The following TGFB2 variants were observed in gnomAD, a reference collection of about 807,000 sequenced individuals.
TGFB2 encodes transforming growth factor beta 2, also known as transforming growth factor beta-2 proprotein.
A neutral mutation model predicts 42.7 loss-of-function variants in TGFB2; 13 were observed. The observed-to-expected ratio is 0.30, with a 90% CI of 0.20 to 0.48. The LOEUF (loss-of-function observed/expected upper bound fraction) is 0.48, where lower values mean the gene tolerates loss of function less well. TGFB2 is among the 20% of genes least tolerant of loss of function. The pLI is 0.99. For synonymous variants in TGFB2, 193 were observed against 193.6 expected (o/e 1.00, Z 0.03); for missense variants, 390 against 517.5 (o/e 0.75, Z 2.39).
chr1:218,424,297 C>T (rs544872663), intron 2 of TGFB2, among the ~76,000 whole-genome samples: 113 of 152,352 alleles, frequency 7.4e-4, no homozygotes, highest in Non-Finnish European at 9.8e-4. Flanking sequence ...GTAGCTTATA[C>T]ATTGAATAGC....
At chr1:218,414,894 C>T (rs1275066978) in intron 2 of TGFB2, among the ~76,000 whole-genome samples, 6 of 152,134 alleles carry the variant, frequency 3.9e-5, no homozygotes, top group African/African-American at 1.4e-4. Flanking sequence ...CTTGCCCAGG[C>T]CAGGCAGGTA....
intron 1 of TGFB2, among the ~76,000 whole-genome samples, chr1:218,373,071 G>A (rs1383488078): frequency 2.0e-5 from 3 of 152,046 alleles, no homozygotes; most frequent in Admixed American, 1.3e-4. Flanking sequence ...CCAGCTACTC[G>A]GGAGGCTGAG....
chr1:218,416,553 A>G (rs1306660532), intron 2 of TGFB2, among the ~76,000 whole-genome samples: 1 of 152,208 alleles, frequency 6.6e-6, no homozygotes, highest in Non-Finnish European at 1.5e-5. Context: ...GGAAAATGAT[A>G]AGTCATTCAG....
intron 1 of TGFB2, among the ~76,000 whole-genome samples, chr1:218,348,940 T>G (rs541101763): frequency 1.3e-5 from 2 of 152,314 alleles, no homozygotes; most frequent in South Asian, 4.1e-4. Context: ...CAAGAGGGCA[T>G]TAGTTCTTTG....
chr1:218,416,466 A>C (rs887645777), intron 2 of TGFB2, among the ~76,000 whole-genome samples: 15 of 152,188 alleles, frequency 9.9e-5, no homozygotes, highest in Non-Finnish European at 1.9e-4. Flanking sequence ...CATACTTGAG[A>C]ATTCCCCAAA....
intron 1 of TGFB2, among the ~76,000 whole-genome samples, chr1:218,388,134 G>T (rs1186775737): frequency 6.6e-6 from 1 of 152,202 alleles, no homozygotes; most frequent in Non-Finnish European, 1.5e-5. Context: ...GGCACATTTT[G>T]GCTCCTAGAG....
In TGFB2 at chr1:218,441,596, T is replaced by C; in HGVS notation, c.*234T>C. 1 of 357,990 alleles carries C rather than the reference T, an allele frequency of 2.8e-6. No individual in the cohort carries two copies. The highest frequency in any genetic ancestry group is 4.9e-6 in the Non-Finnish European group (1 of 202,472). 22.2% of individuals were successfully genotyped at this position (357,990 alleles called of 1,614,324 possible). A position where few individuals can be genotyped will look rare whatever the true frequency, so the allele number is the denominator to read the frequency against. ...GCCTTATTCTACATTTCACCTACTT[T>C]GTAAGTGAGAGAGACAAGAAGCAAA... On this transcript the variant is annotated 3_prime_UTR_variant, in exon 7 of 7. Transcript: ENST00000366930.
intron 1 of TGFB2, among the ~76,000 whole-genome samples, chr1:218,349,177 C>T (rs1376272178): frequency 1.3e-5 from 2 of 151,978 alleles, no homozygotes; most frequent in Non-Finnish European, 2.9e-5. Flanking sequence ...ACAAAGAATA[C>T]AGGCTTTAAA....
intron 2 of TGFB2, among the ~76,000 whole-genome samples, chr1:218,426,675 C>G (rs1558258495): frequency 6.6e-6 from 1 of 152,092 alleles, no homozygotes; most frequent in Non-Finnish European, 1.5e-5. Flanking sequence ...TTTTCTAATT[C>G]AATCAGAAAC....
chr1:218,348,125 C>A (rs1466884014), intron 1 of TGFB2, among the ~76,000 whole-genome samples: 2 of 151,116 alleles, frequency 1.3e-5, no homozygotes, highest in Non-Finnish European at 2.9e-5. Context: ...CACTTGATAC[C>A]TGAGAGGGTT....
Position 218,378,159 on chromosome 1 carries a change from TTATTTATTTATTTATTTA to T in TGFB2, c.347-27008_347-26991del, listed in dbSNP as rs1197498062. Among the ~76,000 whole-genome samples the T allele has an allele frequency of 2.7e-3, 51 of 18,702 alleles. No homozygotes were observed. The East Asian group carries it at 0.033, about 12-fold the overall frequency. 12.3% of individuals were successfully genotyped at this position (18,702 alleles called of 152,430 possible). On this transcript the variant is annotated intron_variant, in intron 1 of 6. Coordinates refer to ENST00000366930, the MANE Select transcript of TGFB2 (RefSeq NM_003238.6). Reference sequence around the variant, plus strand: ...CCTGGCTAATTTTGGATTTATTTATTTATTTATTTATTTATTTATTTATTTATTTAAGATGGAGTCTTG... The same window carrying T: ...CCTGGCTAATTTTGGATTTATTTATTTTTATTTATTTAAGATGGAGTCTTG...
chr1:218,415,699 GAAAAAAAAAA>G (rs1174137652), intron 2 of TGFB2, among the ~76,000 whole-genome samples: 1 of 61,678 alleles, frequency 1.6e-5, no homozygotes, highest in Non-Finnish European at 3.7e-5. Context: ...TGTCTCAAAA[GAAAAAAAAAA>G]AAAAAAAAAA....
At chr1:218,437,143 C>G (rs1659995957) in intron 5 of TGFB2, among the ~76,000 whole-genome samples, 200 bp from the exon 6 acceptor site, 1 of 152,102 alleles carries the variant, frequency 6.6e-6, no homozygotes, top group Non-Finnish European at 1.5e-5. Flanking sequence ...AGCAAATCAC[C>G]ACCACATACA....
At chr1:218,375,222 G>GT (rs940795344) in intron 1 of TGFB2, among the ~76,000 whole-genome samples, 7 of 151,592 alleles carry the variant, frequency 4.6e-5, no homozygotes, top group Admixed American at 2.0e-4. Flanking sequence ...TCAACCTTTG[G>GT]TTTTTTTTAT....
At chr1:218,374,148 TG>T (rs1463272615) in intron 1 of TGFB2, among the ~76,000 whole-genome samples, 4 of 152,260 alleles carry the variant, frequency 2.6e-5, no homozygotes, top group African/African-American at 7.2e-5. Flanking sequence ...ACTGTTTTGT[TG>T]TTGCTTTTGT....
At chr1:218,427,092 A>G (rs1014045382) in intron 2 of TGFB2, among the ~76,000 whole-genome samples, 2 of 152,180 alleles carry the variant, frequency 1.3e-5, no homozygotes, top group Non-Finnish European at 2.9e-5. Flanking sequence ...AAAATTAGAA[A>G]AAAAATTATT....
chr1:218,354,615 A>G (rs1656974113), intron 1 of TGFB2, among the ~76,000 whole-genome samples: 1 of 152,302 alleles, frequency 6.6e-6, no homozygotes, highest in South Asian at 2.1e-4. Context: ...TCTATTAGTG[A>G]TGTGTTATGG....
At chr1:218,435,898 G>GA (rs546357945) in intron 4 of TGFB2, 72 bp from the exon 5 acceptor site, 11 of 1,482,526 alleles carry the variant, frequency 7.4e-6, no homozygotes, top group Non-Finnish European at 1.0e-5. Flanking sequence ...ATATACAAAG[G>GA]AAAAAAATAT....
chr1:218,363,456 G>C lies in TGFB2; in HGVS notation c.346+16409G>C, dbSNP rs796648104. 3.3e-5 allele frequency: 52 copies of C among 1,565,784 alleles called. No homozygotes were observed. The African/African-American group carries it at 6.2e-4, about 19-fold the overall frequency. On this transcript the variant is annotated intron_variant, in intron 1 of 6. Transcript: ENST00000366930. ...TCTGCTTTATTCCTCGTTTGACATA[G>C]TTATATCAAATCCATCTTTAGTGTT...
Sources: allele counts gnomAD v4.1 joint callset (sites outside exome capture counted in the v4.1 genomes callset), GRCh38; gene constraint gnomAD v4.1.1; transcripts MANE v1.5; gene names NCBI Gene and HGNC (gene_info 2026-07-23, HGNC 2026-07-21).